Variants in LRRC4C observed in about 807,000 individuals in gnomAD.
The protein encoded by LRRC4C is leucine rich repeat containing 4C.
A neutral mutation model predicts 33.6 loss-of-function variants in LRRC4C; 5 were observed. That is an observed-to-expected ratio of 0.15 (90% confidence interval 0.08 to 0.31). The LOEUF is 0.31. LRRC4C is among the 10% of genes least tolerant of loss of function. The pLI is 1.00. For synonymous variants in LRRC4C, 329 were observed against 302.0 expected (o/e 1.09, Z -0.93); for missense variants, 560 against 796.7 (o/e 0.70, Z 3.58).
chr11:41,337,757 A>C (rs1276586333), intron 1 of LRRC4C, among the ~76,000 whole-genome samples: 1 of 152,240 alleles, frequency 6.6e-6, no homozygotes, highest in Admixed American at 6.5e-5. Flanking sequence ...AGCAACCTAC[A>C]GAATGGGAGA....
At chr11:40,771,361 T>C (rs566707902) in intron 2 of LRRC4C, among the ~76,000 whole-genome samples, 1 of 152,228 alleles carries the variant, frequency 6.6e-6, no homozygotes, top group East Asian at 2.0e-4. Context: ...ATGTCCTAGG[T>C]CTGCACAGAA....
At chr11:40,881,892 A>G (rs1016529163) in intron 2 of LRRC4C, among the ~76,000 whole-genome samples, 3 of 152,110 alleles carry the variant, frequency 2.0e-5, no homozygotes, top group African/African-American at 4.8e-5. Flanking sequence ...TGAGCAAGGC[A>G]GGTACTCTTC....
At chr11:40,733,082 T>G (rs1293005680) in intron 2 of LRRC4C, among the ~76,000 whole-genome samples, 1 of 130,378 alleles carries the variant, frequency 7.7e-6, no homozygotes, top group Non-Finnish European at 1.6e-5. Flanking sequence ...TTTTTTTTTT[T>G]TTTTTTTTTT....
chr11:41,303,349 G>A (rs1354509093), intron 1 of LRRC4C, among the ~76,000 whole-genome samples: 2 of 117,350 alleles, frequency 1.7e-5, no homozygotes, highest in African/African-American at 3.1e-5. Context: ...TCGGCCTCCC[G>A]AGGTGCCGGG....
intron 3 of LRRC4C, among the ~76,000 whole-genome samples, chr11:40,641,325 T>C (rs191115422): frequency 2.0e-3 from 303 of 152,300 alleles, no homozygotes; most frequent in African/African-American, 7.1e-3. Flanking sequence ...TATTTTAATG[T>C]GCCATTCTTA....
chr11:41,452,507 A>AGATTGCTATT (rs796183712), intron 1 of LRRC4C, among the ~76,000 whole-genome samples: 6 of 152,278 alleles, frequency 3.9e-5, no homozygotes, highest in African/African-American at 1.4e-4. Flanking sequence ...AGTGGAAGAA[A>AGATTGCTATT]GATTGCTATT....
At chr11:41,154,001 G>A (rs1944114971) in intron 1 of LRRC4C, among the ~76,000 whole-genome samples, 2 of 152,154 alleles carry the variant, frequency 1.3e-5, no homozygotes, top group African/African-American at 4.8e-5. Flanking sequence ...ACAGTTACCA[G>A]AAGATGCACG....
chr11:40,412,067 T>C (rs1363435241), intron 3 of LRRC4C, among the ~76,000 whole-genome samples: 1 of 152,022 alleles, frequency 6.6e-6, no homozygotes. Flanking sequence ...AAAAGACTAA[T>C]AGTAAAAACT....
At chr11:40,889,762 C>G (rs1045632299) in intron 2 of LRRC4C, among the ~76,000 whole-genome samples, 1 of 152,052 alleles carries the variant, frequency 6.6e-6, no homozygotes, top group African/African-American at 2.4e-5. Flanking sequence ...TCGTCACATT[C>G]TGTTTAAACT....
intron 3 of LRRC4C, among the ~76,000 whole-genome samples, chr11:40,558,371 G>A (rs761473690): frequency 1.3e-5 from 2 of 152,124 alleles, no homozygotes; most frequent in Non-Finnish European, 2.9e-5. Context: ...CTGAAAGTGT[G>A]TTGTTTCATT....
At chr11:40,531,862 T>C (rs1956285148) in intron 3 of LRRC4C, among the ~76,000 whole-genome samples, 2 of 151,656 alleles carry the variant, frequency 1.3e-5, no homozygotes, top group Non-Finnish European at 2.9e-5. Flanking sequence ...AAAGATAGTT[T>C]GGGCTGAGAT....
chr11:41,408,926 G>A lies in LRRC4C; in HGVS notation c.-496+50505C>T, dbSNP rs150854223. ...GCCTGGCTGCCTTATGATCACAGGC[G>A]ACTTCATTATAACTAAAGGCAACGC... On this transcript the variant is annotated intron_variant, in intron 1 of 6. Coordinates refer to ENST00000528697, the MANE Select transcript of LRRC4C (RefSeq NM_001258419.2). 4.6e-5 allele frequency among the ~76,000 whole-genome samples: 7 copies of A among 152,198 alleles called. No homozygotes were observed. The East Asian group carries it at 5.8e-4, about 13-fold the overall frequency.
At chr11:40,554,154 A>G (rs1344304546) in intron 3 of LRRC4C, among the ~76,000 whole-genome samples, 2 of 152,150 alleles carry the variant, frequency 1.3e-5, no homozygotes, top group Non-Finnish European at 2.9e-5. Flanking sequence ...AATCTTTTGC[A>G]TATGGTTAGC....
chr11:40,655,140 C>G (rs573824078), intron 2 of LRRC4C, among the ~76,000 whole-genome samples: 1 of 152,294 alleles, frequency 6.6e-6, no homozygotes, highest in Non-Finnish European at 1.5e-5. Flanking sequence ...CCCTTTTCAA[C>G]TTCATTTACC....
chr11:40,537,057 G>GT (rs1232424478), intron 3 of LRRC4C, among the ~76,000 whole-genome samples: 1 of 152,142 alleles, frequency 6.6e-6, no homozygotes, highest in Non-Finnish European at 1.5e-5. Flanking sequence ...AGTGAACCCT[G>GT]TCAAAATATG....
At chr11:40,480,996 A>T (rs1037314854) in intron 3 of LRRC4C, among the ~76,000 whole-genome samples, 3 of 151,976 alleles carry the variant, frequency 2.0e-5, no homozygotes, top group Non-Finnish European at 4.4e-5. Flanking sequence ...AAGTTTGGGA[A>T]ATCTAATGTA....
chr11:40,386,553 G>C (rs1949119211), intron 3 of LRRC4C, among the ~76,000 whole-genome samples: 1 of 152,038 alleles, frequency 6.6e-6, no homozygotes, highest in Non-Finnish European at 1.5e-5. Context: ...AGTACTTCTG[G>C]TAAACTGCAA....
chr11:41,030,495 C>A (rs1856655463), intron 1 of LRRC4C, among the ~76,000 whole-genome samples: 3 of 151,752 alleles, frequency 2.0e-5, no homozygotes, highest in Non-Finnish European at 4.4e-5. Context: ...GGGAGCGTTT[C>A]ACAACACCAG....
At chr11:40,629,508 A>C (rs1444322215) in intron 3 of LRRC4C, among the ~76,000 whole-genome samples, 2 of 152,160 alleles carry the variant, frequency 1.3e-5, no homozygotes, top group Admixed American at 1.3e-4. Flanking sequence ...TGTTGGAGTA[A>C]ATTTCATGAA....
Sources: gnomAD v4.1 joint callset for allele counts (sites outside exome capture counted in the v4.1 genomes callset) on GRCh38, gnomAD v4.1.1 for gene constraint, MANE v1.5 for transcripts, NCBI Gene and HGNC (gene_info 2026-07-23, HGNC 2026-07-21) for gene names.